Variants in STIM1 observed in about 807,000 individuals in gnomAD.
The protein encoded by STIM1 is stromal interaction molecule 1.
STIM1 carries 25 observed loss-of-function variants against 74.7 expected under a neutral mutation model. The observed-to-expected ratio is 0.33, with a 90% confidence interval of 0.24 to 0.47. The LOEUF (loss-of-function observed/expected upper bound fraction) is 0.47. Ranked by LOEUF, STIM1 falls within the 20% of genes least tolerant of loss-of-function variation. STIM1 has a pLI of 1.00. For synonymous variants in STIM1, 328 were observed against 348.8 expected (o/e 0.94, Z 0.66); for missense variants, 728 against 920.8 (o/e 0.79, Z 2.71).
At chr11:3,979,655 G>A (rs1242511064) in intron 2 of STIM1, among the ~76,000 whole-genome samples, 1 of 152,074 alleles carries the variant, frequency 6.6e-6, no homozygotes, top group African/African-American at 2.4e-5. Context: ...GCCAAGTCTG[G>A]TATTGAACTC....
intron 2 of STIM1, among the ~76,000 whole-genome samples, chr11:4,014,051 C>G (rs1414829677): frequency 6.6e-6 from 1 of 152,096 alleles, no homozygotes; most frequent in Non-Finnish European, 1.5e-5. Flanking sequence ...CTATCTCCTT[C>G]AGTTCTGCTG....
In STIM1 at chr11:4,091,366, T is replaced by A. The variant is rs200164426; in HGVS notation, c.1719T>A (p.Arg573=). ...CCCCCAAACCTCCTCAGATGAGCCG[T>A]GCTGCAGACGAGGCTCTCAATGCCA... ...RVAPKPPQMS[R]AADEALNAMT... is the part of the protein sequence containing the mutation. Residue 573 remains arginine, a synonymous_variant, in exon 13 of 13, where the codon CGT becomes CGA. Transcript: ENST00000526596. 7 of 1,614,088 alleles carry A rather than the reference T, an allele frequency of 4.3e-6. No homozygotes were observed. Among genetic ancestry groups the A allele is most frequent in the African/African-American group, 1.3e-5 (1 of 74,940 alleles).
At chr11:3,932,514 C>A (rs949167100) in intron 1 of STIM1, among the ~76,000 whole-genome samples, 35 of 151,838 alleles carry the variant, frequency 2.3e-4, no homozygotes, top group African/African-American at 8.4e-4. Flanking sequence ...TACAAAAAAT[C>A]AGCCGGGCGT....
intron 3 of STIM1, among the ~76,000 whole-genome samples, chr11:4,032,966 T>C (rs374794785): frequency 6.6e-6 from 1 of 152,234 alleles, no homozygotes; most frequent in South Asian, 2.1e-4. Context: ...GCCTAGATTT[T>C]CTTCTAGGGT....
intron 1 of STIM1, among the ~76,000 whole-genome samples, chr11:3,941,578 CAT>C (rs1207480830): frequency 2.5e-5 from 3 of 118,626 alleles, no homozygotes; most frequent in African/African-American, 3.5e-5. Flanking sequence ...ATAGAAGAAG[CAT>C]ATATATGTGT....
chr11:4,038,962 T>C (rs1025470755), intron 3 of STIM1, among the ~76,000 whole-genome samples: 3 of 152,182 alleles, frequency 2.0e-5, no homozygotes, highest in African/African-American at 7.2e-5. Context: ...TACAAGTAAA[T>C]ACCTGTATAG....
chr11:4,031,213 G>A (rs1370693839), intron 3 of STIM1, among the ~76,000 whole-genome samples: 2 of 152,132 alleles, frequency 1.3e-5, no homozygotes, highest in African/African-American at 2.4e-5. Flanking sequence ...CTTATGTTTT[G>A]CATGTGTAAA....
chr11:3,927,526 T>G (rs2092803575), intron 1 of STIM1, among the ~76,000 whole-genome samples: 1 of 152,262 alleles, frequency 6.6e-6, no homozygotes, highest in Non-Finnish European at 1.5e-5. Flanking sequence ...ACTTGTAACC[T>G]TTTTCGCAGT....
At chr11:3,872,553 A>G (rs11030141) in intron 1 of STIM1, among the ~76,000 whole-genome samples, 137,013 of 145,984 alleles carry the variant, frequency 0.94, 64,240 homozygotes, top group East Asian at 0.96. Context: ...ATGGAGTCTC[A>G]CTCTGTTGCC....
At position 4,087,004 on chromosome 11, in the gene STIM1, G is replaced by T. The variant is rs200234974; in HGVS notation, c.1634+461G>T. 13 of 1,284,830 alleles carry T rather than the reference G, an allele frequency of 1.0e-5. No individual in the cohort carries two copies. The East Asian group carries it at 3.1e-4, about 30-fold the overall frequency. 79.6% of individuals were successfully genotyped at this position (1,284,830 alleles called of 1,614,324 possible). On this transcript the variant is annotated intron_variant, in intron 12 of 12. Coordinates refer to ENST00000526596, the MANE Select transcript of STIM1 (RefSeq NM_001382567.1). Reference sequence around the variant, plus strand: ...TCTTATCCTGTTTGTTCCCAGCTCTGGGATTCCTTTTTAAGGTCAGCCTAC... The same window carrying T: ...TCTTATCCTGTTTGTTCCCAGCTCTTGGATTCCTTTTTAAGGTCAGCCTAC...
intron 2 of STIM1, among the ~76,000 whole-genome samples, chr11:3,996,679 AT>A (rs1028901856): frequency 7.7e-4 from 117 of 152,214 alleles, no homozygotes; most frequent in African/African-American, 2.8e-3. Context: ...CTGTTCTTAG[AT>A]TTTCTTGAGC....
intron 2 of STIM1, among the ~76,000 whole-genome samples, chr11:4,021,669 C>G (rs967091052): frequency 6.6e-6 from 1 of 152,010 alleles, no homozygotes; most frequent in Non-Finnish European, 1.5e-5. Flanking sequence ...ATTCAGGTTT[C>G]TTTTTGGTTC....
At chr11:3,989,411 T>A (rs1252435803) in intron 2 of STIM1, 1 of 740,842 alleles carries the variant, frequency 1.3e-6, no homozygotes, top group African/African-American at 1.7e-5. Flanking sequence ...GATCTCCTCT[T>A]GGGCTCTTCC....
intron 2 of STIM1, among the ~76,000 whole-genome samples, chr11:4,018,537 C>T (rs956706556): frequency 2.0e-5 from 3 of 146,804 alleles, no homozygotes; most frequent in Admixed American, 6.9e-5. Context: ...CCCAGCTACT[C>T]GGGAGGCTGA....
At chr11:4,026,197 G>A (rs76303578) in intron 3 of STIM1, among the ~76,000 whole-genome samples, 8,973 of 152,218 alleles carry the variant, frequency 0.059, 308 homozygotes, top group Non-Finnish European at 0.087. Flanking sequence ...TAGCTGGCTA[G>A]TGTCAGTACC....
At chr11:3,956,437 C>T (rs1281100418) in intron 1 of STIM1, among the ~76,000 whole-genome samples, 1 of 152,130 alleles carries the variant, frequency 6.6e-6, no homozygotes, top group Non-Finnish European at 1.5e-5. Flanking sequence ...TGGAACTTAA[C>T]TAGTTCAAGT....
At chr11:4,086,878 T>C (rs1184395705) in intron 12 of STIM1, 1 of 1,523,300 alleles carries the variant, frequency 6.6e-7, no homozygotes, top group Admixed American at 2.0e-5. Context: ...GCTGTCTCTC[T>C]TTTCTTTCTT....
At chr11:3,863,085 G>T (rs1194032017) in intron 1 of STIM1, among the ~76,000 whole-genome samples, 1 of 151,752 alleles carries the variant, frequency 6.6e-6, no homozygotes, top group Non-Finnish European at 1.5e-5. Flanking sequence ...GTAGAAACAG[G>T]GTTTCACTGT....
rs185895155 is a variant in STIM1, at chr11:3,959,272, C to T, written c.140-8280C>T. Among the ~76,000 whole-genome samples, 303 of 152,188 alleles carry T rather than the reference C, an allele frequency of 2.0e-3. 2 individuals carry two copies. Among genetic ancestry groups the T allele is most frequent in the Non-Finnish European group, 2.7e-3 (186 of 68,014 alleles). ...AAAACTTGGCAATTTCCAATTCGTC[C>T]TATAGGGATGAATTACTGTTTAGTG... On this transcript the variant is annotated intron_variant, in intron 1 of 12. Transcript: ENST00000526596.
Sources: gnomAD v4.1 joint callset for allele counts (sites outside exome capture counted in the v4.1 genomes callset) on GRCh38, gnomAD v4.1.1 for gene constraint, MANE v1.5 for transcripts, NCBI Gene and HGNC (gene_info 2026-07-23, HGNC 2026-07-21) for gene names.